ZNF568: variants seen among roughly 807,000 people sequenced by gnomAD.
The protein encoded by ZNF568 is p53 inhibitor of SCO2 activation.
A neutral mutation model predicts 18.1 loss-of-function variants in ZNF568; 11 were observed. That is an observed-to-expected ratio of 0.61 (90% CI 0.38 to 1.00). ZNF568 has a LOEUF of 1.00. Ranked by LOEUF, ZNF568 falls within the 50% of genes least tolerant of loss-of-function variation. The pLI is 0.01. For missense variants in ZNF568, 639 were observed against 768.2 expected, an observed-to-expected ratio of 0.83 and a Z score of 1.99; for synonymous variants, 213 against 246.6, an observed-to-expected ratio of 0.86 and a Z score of 1.28.
rs540180972 is a variant in ZNF568, at chr19:36,963,364, C to G, written c.359-11056C>G. Among the ~76,000 whole-genome samples, 12 of 152,242 alleles carry G rather than the reference C, an allele frequency of 7.9e-5. No homozygotes were observed. The East Asian group carries it at 2.3e-3, about 29-fold the overall frequency. On this transcript the variant is annotated intron_variant, in intron 6 of 7. Coordinates refer to the ZNF568 transcript ENST00000427117. ...ATTAACCCAGTGGCAATTTTATGTA[C>G]GAACACTGATGAATGTCAGCAGCAC...
At chr19:36,940,137 C>T (rs1306102855) in intron 6 of ZNF568, among the ~76,000 whole-genome samples, 3 of 152,164 alleles carry the variant, frequency 2.0e-5, no homozygotes, top group African/African-American at 2.4e-5. Flanking sequence ...TCTTTTTCCT[C>T]AGAGTACCTT....
At chr19:36,962,116 T>C (rs1051367805) in intron 6 of ZNF568, among the ~76,000 whole-genome samples, 1 of 115,320 alleles carries the variant, frequency 8.7e-6, no homozygotes, top group Non-Finnish European at 1.8e-5. Flanking sequence ...TTTTTGTTGT[T>C]TTATGTTTTT....
downstream of ZNF568, chr19:36,997,346 G>T: frequency 6.2e-7 from 1 of 1,601,656 alleles, no homozygotes; most frequent in East Asian, 2.3e-5. Context: ...GAACTTACCC[G>T]ACATCAGAGA....
intron 6 of ZNF568, among the ~76,000 whole-genome samples, chr19:36,974,193 G>A (rs1422794255): frequency 6.6e-6 from 1 of 151,776 alleles, no homozygotes; most frequent in Non-Finnish European, 1.5e-5. Flanking sequence ...TCCCAAGTTA[G>A]GCTGTTATGG....
rs562318135 is a variant in ZNF568, at chr19:36,963,559, A to G, written c.359-10861A>G. 2.0e-5 allele frequency among the ~76,000 whole-genome samples: 3 copies of G among 152,334 alleles called. No individual in the cohort carries two copies. The South Asian group carries it at 6.2e-4, about 32-fold the overall frequency. ...CTGACAGCAATATGAACAGCGTTTT[A>G]TGAAATACTCCCAATACAGTCTCTA... On this transcript the variant is annotated intron_variant, in intron 6 of 7. Coordinates refer to the ZNF568 transcript ENST00000427117.
intron 6 of ZNF568, among the ~76,000 whole-genome samples, chr19:36,941,921 TTAAC>T (rs1344737787): frequency 6.8e-6 from 1 of 147,988 alleles, no homozygotes; most frequent in East Asian, 1.9e-4. Flanking sequence ...TTGACTTTTT[TTAAC>T]TATCTCTTTT....
chr19:36,980,088 T>C (rs746857923), downstream of ZNF568: 3 of 152,180 alleles, frequency 2.0e-5, no homozygotes, highest in Admixed American at 1.3e-4. Flanking sequence ...TCCAGAGTTT[T>C]TGTTCCTTTT....
chr19:36,929,945 GT>G lies in ZNF568; in HGVS notation c.135+4702del, dbSNP rs60600732. On this transcript the variant is annotated intron_variant, in intron 4 of 6. Transcript: ENST00000333987. ...TTGCCAGGGGCAGAAGCGTGTTCAT[GT>G]TTTTTTTTTTTTTTGGTTCTGTTTG... 8.1e-3 allele frequency among the ~76,000 whole-genome samples: 1,166 copies of G among 143,146 alleles called. 27 individuals carry two copies. Among genetic ancestry groups the G allele is most frequent in the East Asian group, 0.056 (264 of 4,684 alleles). 93.9% of individuals were successfully genotyped at this position (143,146 alleles called of 152,430 possible).
At chr19:36,940,435 T>G (rs2073861645) in intron 6 of ZNF568, among the ~76,000 whole-genome samples, 1 of 152,238 alleles carries the variant, frequency 6.6e-6, no homozygotes, top group African/African-American at 2.4e-5. Context: ...ATCTTCTACA[T>G]GTTTTCATAT....
chr19:36,980,111 G>A (rs541295688), downstream of ZNF568: 10 of 151,736 alleles, frequency 6.6e-5, no homozygotes, highest in African/African-American at 2.4e-4. Context: ...TGCTTTGTAT[G>A]CATTTCTTAA....
intron 5 of ZNF568, 47 bp downstream of exon 5, chr19:36,936,919 A>G (rs199873241): frequency 1.9e-6 from 3 of 1,599,690 alleles, no homozygotes; most frequent in Non-Finnish European, 2.6e-6. Context: ...ATTCTTTTCC[A>G]TTTCTGAAAT....
intron 2 of ZNF568, among the ~76,000 whole-genome samples, chr19:36,918,987 T>C (rs80238998): frequency 0.017 from 2,630 of 152,346 alleles, 41 homozygotes; most frequent in Middle Eastern, 0.054. Flanking sequence ...GGCCGAATGA[T>C]AAGTATGTCA....
At chr19:36,975,680 A>ATTTTTTT in intron 7 of ZNF568, among the ~76,000 whole-genome samples, 1 of 46,826 alleles carries the variant, frequency 2.1e-5, no homozygotes, top group Non-Finnish European at 4.0e-5. Context: ...CCGCGCCAAG[A>ATTTTTTT]CTTTTTTTTT....
chr19:36,936,998 T>G (rs1325425513), intron 5 of ZNF568, 126 bp downstream of exon 5: 1 of 1,369,106 alleles, frequency 7.3e-7, no homozygotes, highest in Non-Finnish European at 1.0e-6. Context: ...TGTGCTCCAC[T>G]CTTCAGTGTT....
exon 5 of ZNF568, chr19:36,997,126 T>C (rs774817542): frequency 3.5e-5 from 55 of 1,571,080 alleles, no homozygotes; most frequent in Non-Finnish European, 3.4e-5. Context: ...TGAAAGACGC[T>C]ATGAATGCAG....
At position 36,970,014 on chromosome 19, in the gene ZNF568, C is replaced by T. The variant is rs1038199126; in HGVS notation, c.359-4406C>T. Among the ~76,000 whole-genome samples the T allele has an allele frequency of 3.3e-5, 4 of 122,474 alleles. 1 individual carries two copies. The East Asian group carries it at 8.1e-4, about 25-fold the overall frequency. 80.3% of individuals were successfully genotyped at this position (122,474 alleles called of 152,430 possible). ...CTTACCTCAAGTGATCCGCCCACCT[C>T]GGCCTCCCAAAGTGCTGGATTACAA... On this transcript the variant is annotated intron_variant, in intron 6 of 7. Coordinates refer to the ZNF568 transcript ENST00000427117.
chr19:36,941,883 A>T (rs186841102), intron 6 of ZNF568, among the ~76,000 whole-genome samples: 17 of 152,160 alleles, frequency 1.1e-4, no homozygotes, highest in African/African-American at 4.1e-4. Context: ...CTCTGACCTC[A>T]CATTTCACCT....
In ZNF568 at chr19:36,949,617, G is replaced by A. The variant is rs755604363; in HGVS notation, c.464G>A (p.Cys155Tyr). Reference protein sequence around the residue: ...KILIKEKVIECKKVAKIFPLS... With the variant: ...KILIKEKVIEYKKVAKIFPLS... ...CTGATAAAGGAAAAAGTCATTGAAT[G>A]TAAAAAAGTTGCGAAAATATTTCCT... Residue 155 changes from cysteine (C) to tyrosine (Y), a missense_variant, in exon 7 of 7, where the codon TGT becomes TAT. Physicochemically the swap from Cys to Tyr is radical, Grantham distance 194. Coordinates refer to ENST00000333987, the MANE Select transcript of ZNF568 (RefSeq NM_198539.4). The A allele has an allele frequency of 9.3e-6, 15 of 1,613,566 alleles. No homozygotes were observed. The Admixed American group carries it at 1.5e-4, about 16-fold the overall frequency.
chr19:36,933,916 G>GTTTTTTTGTTTTTTTTTTTTTTTTTTTT (rs2073739666), intron 4 of ZNF568, among the ~76,000 whole-genome samples: 3 of 20,724 alleles, frequency 1.4e-4, no homozygotes, highest in African/African-American at 6.3e-4. Flanking sequence ...TTTTTGTTTT[G>GTTTTTTTGTTTTTTTTTTTTTTTTTTTT]TTTTTTTGTT....
Sources: gnomAD v4.1 joint callset for allele counts (sites outside exome capture counted in the v4.1 genomes callset) on GRCh38, gnomAD v4.1.1 for gene constraint, MANE v1.5 for transcripts, NCBI Gene and HGNC (gene_info 2026-07-23, HGNC 2026-07-21) for gene names.